SAXO4: variants seen among roughly 807,000 people sequenced by gnomAD.
SAXO4 encodes the protein stabilizer of axonemal microtubules 4, also known as protein phosphatase 1 regulatory subunit 32.
chr11:61,485,955 C>A, the SAXO4 span: 2 of 1,345,876 alleles, frequency 1.5e-6, no homozygotes, highest in Non-Finnish European at 2.1e-6. Context: ...GGGCTTGAAG[C>A]CCTCCAGTCT....
chr11:61,482,277 C>G, the SAXO4 span: 1 of 1,596,146 alleles, frequency 6.3e-7, no homozygotes, highest in African/African-American at 1.3e-5. Flanking sequence ...TGTTTTTGAC[C>G]TTGGGGTCTG....
the SAXO4 span, chr11:61,487,124 CCT>C: frequency 1.2e-6 from 2 of 1,613,168 alleles, no homozygotes; most frequent in African/African-American, 1.3e-5. Context: ...TGACAATTCC[CCT>C]GTCTACCCCT....
the SAXO4 span, chr11:61,490,061 C>A: frequency 9.3e-7 from 1 of 1,069,948 alleles, no homozygotes; most frequent in South Asian, 1.6e-5. Flanking sequence ...ATGAGAGGCC[C>A]ATCTCCTCTG....
chr11:61,483,685 C>T, the SAXO4 span, among the ~76,000 whole-genome samples: 5 of 152,006 alleles, frequency 3.3e-5, no homozygotes, highest in African/African-American at 4.8e-5. Flanking sequence ...AGGCCAGGTG[C>T]GATGGCTCAC....
At chr11:61,482,793 TC>T in the SAXO4 span, 4 of 1,609,000 alleles carry the variant, frequency 2.5e-6, no homozygotes, top group Non-Finnish European at 3.4e-6. Context: ...CCAGTGCGGG[TC>T]CCCCCACCAA....
the SAXO4 span, chr11:61,482,265 C>T: frequency 3.2e-6 from 5 of 1,566,944 alleles, no homozygotes; most frequent in Admixed American, 8.4e-5. Context: ...GGAAGCCCTG[C>T]CTGTTTTTGA....
At chr11:61,482,667 G>A in the SAXO4 span, 1 of 1,614,084 alleles carries the variant, frequency 6.2e-7, no homozygotes, top group South Asian at 1.1e-5. Flanking sequence ...AACAAGCCCA[G>A]GACCATTTCC....
chr11:61,490,684 C>T, the SAXO4 span: 1 of 1,071,646 alleles, frequency 9.3e-7, no homozygotes, highest in South Asian at 1.3e-5. Context: ...CAAGTCCTGC[C>T]TGGGGACCCC....
At chr11:61,489,814 A>G in the SAXO4 span, 1 of 1,613,804 alleles carries the variant, frequency 6.2e-7, no homozygotes, top group South Asian at 1.1e-5. Context: ...GGTCTAGACC[A>G]GGAAGGCTGG....
the SAXO4 span, chr11:61,487,100 C>T: frequency 2.5e-6 from 4 of 1,612,142 alleles, no homozygotes; most frequent in African/African-American, 1.3e-5. Flanking sequence ...CCCAAATCCC[C>T]ACCCCTTCTG....
At chr11:61,482,332 G>A in the SAXO4 span, 6,920 of 1,614,148 alleles carry the variant, frequency 4.3e-3, 22 homozygotes, top group Non-Finnish European at 5.2e-3. Context: ...TTCAAGCCCC[G>A]TGTGGGCAGT....
At chr11:61,481,760 G>T in the SAXO4 span, 2 of 1,094,610 alleles carry the variant, frequency 1.8e-6, no homozygotes, top group Admixed American at 3.4e-5. Context: ...GACCCATGAG[G>T]CTCCCCGTGC....
the SAXO4 span, chr11:61,486,475 G>A: frequency 6.2e-7 from 1 of 1,612,356 alleles, no homozygotes; most frequent in Non-Finnish European, 8.5e-7. Context: ...GGAAGGTGGT[G>A]GGGGAGGCAG....
the SAXO4 span, among the ~76,000 whole-genome samples, chr11:61,483,978 G>A: frequency 1.3e-5 from 2 of 152,116 alleles, no homozygotes; most frequent in African/African-American, 4.8e-5. Flanking sequence ...GCTCACACCT[G>A]TAATCCCAGC....
At chr11:61,483,354 GACAGGGTTTC>G in the SAXO4 span, among the ~76,000 whole-genome samples, 1 of 151,836 alleles carries the variant, frequency 6.6e-6, no homozygotes, top group Non-Finnish European at 1.5e-5. Context: ...TTTTAGTACA[GACAGGGTTTC>G]ACCGTGTTAG....
the SAXO4 span, among the ~76,000 whole-genome samples, chr11:61,484,521 G>A: frequency 6.6e-6 from 1 of 150,936 alleles, no homozygotes; most frequent in Admixed American, 6.5e-5. Context: ...CGAGTGTGAT[G>A]GGAAGGCTGC....
the SAXO4 span, chr11:61,482,497 G>T: frequency 1.2e-5 from 19 of 1,561,794 alleles, no homozygotes; most frequent in Middle Eastern, 1.7e-4. Flanking sequence ...TCCTTGGATG[G>T]GGACCCTGAG....
chr11:61,490,478 A>G, the SAXO4 span: 1 of 1,608,132 alleles, frequency 6.2e-7, no homozygotes, highest in Admixed American at 1.7e-5. Context: ...CACCCCCAAC[A>G]CTCTCCTCTT....
the SAXO4 span, among the ~76,000 whole-genome samples, chr11:61,488,533 T>C: frequency 6.6e-6 from 1 of 152,150 alleles, no homozygotes; most frequent in Admixed American, 6.5e-5. Context: ...CTTGATCTCC[T>C]GACCTCGTGA....
Sources: allele counts gnomAD v4.1 joint callset (sites outside exome capture counted in the v4.1 genomes callset), GRCh38; gene constraint gnomAD v4.1.1; transcripts MANE v1.5; gene names NCBI Gene and HGNC (gene_info 2026-07-23, HGNC 2026-07-21).